TAGAP: variants seen among roughly 807,000 people sequenced by gnomAD.
TAGAP encodes T cell activation RhoGTPase activating protein, also known as T-cell activation Rho GTPase-activating protein.
TAGAP carries 16 observed loss-of-function variants against 36.0 expected under a neutral mutation model. The ratio of observed to expected loss-of-function variants is 0.44; its 90% CI spans 0.30 to 0.68. The LOEUF (loss-of-function observed/expected upper bound fraction) is 0.68, where lower values mean the gene tolerates loss of function less well. Ranked by LOEUF, TAGAP falls within the 30% of genes least tolerant of loss-of-function variation. TAGAP has a pLI of 0.09. For missense variants in TAGAP, 794 were observed against 921.5 expected (o/e 0.86, Z 1.79); for synonymous variants, 372 against 377.4 (o/e 0.99, Z 0.17).
At position 159,035,923 on chromosome 6, in the gene TAGAP, G is replaced by C; in HGVS notation, c.2100C>G (p.Ser700=). Residue 700 remains serine, a synonymous_variant, in exon 10 of 10, where the codon TCC becomes TCG. Transcript: ENST00000367066. ...ELLPLRTVSE[S]VQRNKRDCLV... ...GACAGTCCCGCTTATTCCTCTGCAC[G>C]GACTCGGAGACGGTCCTCAGCGGGA... 6.2e-7 allele frequency: 1 copy of C among 1,614,168 alleles called. No homozygotes were observed. Among genetic ancestry groups the C allele is most frequent in the Non-Finnish European group, 8.5e-7 (1 of 1,180,020 alleles).
At position 159,035,950 on chromosome 6, in the gene TAGAP, G is replaced by A. The variant is rs775380993; in HGVS notation, c.2073C>T (p.Leu691=). ...GHVSGPGRPE[L]LPLRTVSESV... is the part of the protein sequence containing the mutation. ...ACTCGGAGACGGTCCTCAGCGGGAG[G>A]AGCTCAGGTCTCCCTGGGCCAGACA... Residue 691 remains leucine (L), a synonymous_variant, in exon 10 of 10, where the codon CTC becomes CTT. Transcript: ENST00000367066. 1.9e-5 allele frequency: 30 copies of A among 1,614,066 alleles called. No homozygotes were observed. Among genetic ancestry groups the A allele is most frequent in the Non-Finnish European group, 2.5e-5 (30 of 1,180,014 alleles).
chr6:159,036,399 C>T lies in TAGAP; in HGVS notation c.1624G>A (p.Gly542Ser). 6.2e-7 allele frequency: 1 copy of T among 1,614,096 alleles called. No homozygotes were observed. Among genetic ancestry groups the T allele is most frequent in the Non-Finnish European group, 8.5e-7 (1 of 1,180,018 alleles). Residue 542 changes from glycine (G) to serine (S), a missense_variant, in exon 10 of 10, where the codon GGT becomes AGT. Coordinates refer to ENST00000367066, the MANE Select transcript of TAGAP (RefSeq NM_054114.5). This position sits in a 1 kb window ranked among gnomAD's most constrained non-coding sequence, Gnocchi z 4.9. ...GCAAGCTGGCTTTCCTTTCTGACAC[C>T]CCTCGGGACGTGGTCCCTGGTAAAG... ...QDFTRDHVPR[G>S]VRKESQLAGR...
chr6:159,039,384 C>G (rs764293341), intron 7 of TAGAP, 75 bp from the exon 8 acceptor site: 19 of 1,463,732 alleles, frequency 1.3e-5, no homozygotes, highest in Non-Finnish European at 1.6e-5. Flanking sequence ...GAGTTTCTGC[C>G]GAAACCAGAC....
In TAGAP at chr6:159,036,862, G is replaced by A. The variant is rs764563809; in HGVS notation, c.1161C>T (p.Cys387=). The change falls in exon 10 of 10, where the codon TGC becomes TGT. Residue 387 remains cysteine (C), a synonymous_variant. Coordinates refer to ENST00000367066, the MANE Select transcript of TAGAP (RefSeq NM_054114.5). The surrounding 1 kb of genome is among the most constrained non-coding windows in gnomAD (Gnocchi z 4.9). ...SEPSMPSSQE[C]LESRVTNQTL... is the part of the protein sequence containing the mutation. The stretch of plus-strand genomic sequence containing the variant: ...TTTGGTTTGTCACCCGGCTCTCGAG[G>A]CACTCCTGGGAGGATGGCATGCTGG... 1.2e-6 allele frequency: 2 copies of A among 1,614,132 alleles called. No individual in the cohort carries two copies. The highest frequency in any genetic ancestry group is 1.7e-6 in the Non-Finnish European group (2 of 1,180,048).
rs1449039726 is a variant in TAGAP at position 159,041,768 on chromosome 6, A to G, written c.316-253T>C. 3.7e-6 allele frequency: 2 copies of G among 547,808 alleles called. No homozygotes were observed. Among genetic ancestry groups the G allele is most frequent in the Admixed American group, 3.5e-5 (1 of 28,636 alleles). 33.9% of individuals were successfully genotyped at this position (547,808 alleles called of 1,614,324 possible). A position where few individuals can be genotyped will look rare whatever the true frequency, so the allele number is the denominator to read the frequency against. Reference sequence around the variant, plus strand: ...CATTGGATTTCAGATCACAAAGTCTATATTCTGTTTCCCCCTTTTGACTTT... The same window carrying G: ...CATTGGATTTCAGATCACAAAGTCTGTATTCTGTTTCCCCCTTTTGACTTT... On this transcript the variant is annotated intron_variant, in intron 5 of 9. Transcript: ENST00000367066. The surrounding 1 kb of genome is among the most constrained non-coding windows in gnomAD (Gnocchi z 4.1).
Position 159,041,367 on chromosome 6 carries a change from G to C in TAGAP, c.464C>G (p.Ala155Gly). 6.2e-7 allele frequency: 1 copy of C among 1,613,948 alleles called. No individual in the cohort carries two copies. The highest frequency in any genetic ancestry group is 8.5e-7 in the Non-Finnish European group (1 of 1,180,000). ...DLERLPVHLL[A>G]VVFKDFLRSI... The stretch of plus-strand genomic sequence containing the variant: ...TGTTGAACTCACCTTAAAGACCACA[G>C]CGAGGAGGTGCACGGGGAGCCTCTC... The change falls in exon 6 of 10, where the codon GCT (alanine) becomes GGT (glycine). Residue 155 changes from alanine (A) to glycine (G), a missense_variant. Transcript: ENST00000367066. This position sits in a 1 kb window ranked among gnomAD's most constrained non-coding sequence, Gnocchi z 4.1.
At position 159,040,397 on chromosome 6, in the gene TAGAP, C is replaced by A. The variant is rs1779703864; in HGVS notation, c.587+326G>T. Reference sequence around the variant, plus strand: ...GAATTTCTACACTTTGCTGGTGAGCCTGTGTTAAAGTTCTCAGGTCTGATT... The same window carrying A: ...GAATTTCTACACTTTGCTGGTGAGCATGTGTTAAAGTTCTCAGGTCTGATT... On this transcript the variant is annotated intron_variant, in intron 7 of 9. Transcript: ENST00000367066. Among the ~76,000 whole-genome samples the A allele has an allele frequency of 2.0e-5, 3 of 152,184 alleles. No homozygotes were observed. The South Asian group carries it at 6.2e-4, about 31-fold the overall frequency.
At chr6:159,044,636 G>GAA (rs58292322) in intron 1 of TAGAP, among the ~76,000 whole-genome samples, 31 of 135,370 alleles carry the variant, frequency 2.3e-4, no homozygotes, top group East Asian at 1.8e-3. Flanking sequence ...ATCCAAAAAG[G>GAA]AAAAAAAAAA....
At chr6:159,043,504 TAGAGTA>T in intron 4 of TAGAP, 79 bp downstream of exon 4, 2 of 1,287,724 alleles carry the variant, frequency 1.6e-6, no homozygotes, top group Non-Finnish European at 2.3e-6. Context: ...AAATTCCTAG[TAGAGTA>T]AAAGCGCTGT....
In TAGAP at chr6:159,039,204, G is replaced by A; in HGVS notation, c.693C>T (p.Ser231=). The A allele has an allele frequency of 6.2e-7, 1 of 1,614,176 alleles. No homozygotes were observed. The highest frequency in any genetic ancestry group is 8.5e-7 in the Non-Finnish European group (1 of 1,180,032). The change falls in exon 8 of 10, where the codon AGC becomes AGT. Residue 231 remains serine, a synonymous_variant. Coordinates refer to ENST00000367066, the MANE Select transcript of TAGAP (RefSeq NM_054114.5). ...KNSEVNRMDS[S]NLAICIGPNM... ...TGGGTCCAATGCAGATGGCCAGATTGCTGGAGTCCATCCTGTTCACCTCAG... is the reference window on the plus strand; with the variant it reads ...TGGGTCCAATGCAGATGGCCAGATTACTGGAGTCCATCCTGTTCACCTCAG...
In TAGAP at chr6:159,036,016, C is replaced by T. The variant is rs200804434; in HGVS notation, c.2007G>A (p.Gln669=). The change falls in exon 10 of 10, where the codon CAG becomes CAA. Residue 669 remains glutamine (Q), a synonymous_variant. Transcript: ENST00000367066. The surrounding 1 kb of genome is among the most constrained non-coding windows in gnomAD (Gnocchi z 4.9). The stretch of plus-strand genomic sequence containing the variant: ...CCCCAGAAGCATGGACAGTTCTGCT[C>T]TGTTTCCATCGCTCAGGCAGGGGAG... ...GLSPLPERWK[Q]SRTVHASGDS... is the part of the protein sequence containing the mutation. The T allele has an allele frequency of 1.9e-6, 3 of 1,612,130 alleles. No homozygotes were observed. The highest frequency in any genetic ancestry group is 3.3e-5 in the Admixed American group (2 of 59,978).
chr6:159,036,654 GA>G lies in TAGAP; in HGVS notation c.1368del (p.Leu457SerfsTer64). On this transcript the variant is annotated frameshift_variant, in exon 10 of 10. Coordinates refer to ENST00000367066, the MANE Select transcript of TAGAP (RefSeq NM_054114.5). LOFTEE classifies it low-confidence loss of function (END_TRUNC). The surrounding 1 kb of genome is among the most constrained non-coding windows in gnomAD (Gnocchi z 4.9). Reference protein sequence around the residue: ...APGSVLPRALVLKAFSSSSLD... With the variant: ...APGSVLPRALXLKAFSSSSLD... Reference sequence around the variant, plus strand: ...AGCGAGCTGCTGGAGAAGGCTTTGAGAACCAGTGCCCGCGGGAGCACCGAAC... The same window carrying G: ...AGCGAGCTGCTGGAGAAGGCTTTGAGACCAGTGCCCGCGGGAGCACCGAAC... 6.2e-7 allele frequency: 1 copy of G among 1,614,190 alleles called. No individual in the cohort carries two copies. Among genetic ancestry groups the G allele is most frequent in the South Asian group, 1.1e-5 (1 of 91,086 alleles).
At chr6:159,038,039 A>T in intron 9 of TAGAP, 75 bp downstream of exon 9, 1 of 937,254 alleles carries the variant, frequency 1.1e-6, no homozygotes, top group Non-Finnish European at 1.7e-6. Context: ...CAAATATCAG[A>T]GATGCTTTAC....
chr6:159,043,569 G>A lies in TAGAP; in HGVS notation c.148+20C>T, dbSNP rs774198652. 3 of 1,611,746 alleles carry A rather than the reference G, an allele frequency of 1.9e-6. No homozygotes were observed. Among genetic ancestry groups the A allele is most frequent in the Admixed American group, 3.3e-5 (2 of 59,964 alleles). ...GTTGTTAGCACTTACATAAAAGATC[G>A]GTATGTTTTTAAAACTCACCAATGA... On this transcript the variant is annotated intron_variant, in intron 4 of 9. Transcript: ENST00000367066.
At chr6:159,044,234 G>C in intron 1 of TAGAP, 30 bp from the exon 2 acceptor site, 4 of 1,486,206 alleles carry the variant, frequency 2.7e-6, no homozygotes, top group Non-Finnish European at 3.7e-6. Context: ...AAGGAGTTAG[G>C]AGGGACTCAC....
At position 159,037,043 on chromosome 6, in the gene TAGAP, G is replaced by T; in HGVS notation, c.980C>A (p.Ser327Tyr). 3.1e-6 allele frequency: 5 copies of T among 1,613,460 alleles called. No individual in the cohort carries two copies. The highest frequency in any genetic ancestry group is 4.2e-6 in the Non-Finnish European group (5 of 1,180,044). ...VESNSSSGISSPSRQPQVPMA... is the reference protein window; with the variant it reads ...VESNSSSGISYPSRQPQVPMA... ...GGGCACCTGGGGCTGCCTGCTGGGA[G>T]AGCTGATGCCACTGCTGCTGTTGGA... The change falls in exon 10 of 10, where the codon TCT (serine) becomes TAT (tyrosine). Residue 327 changes from serine (S) to tyrosine (Y), a missense_variant. By Grantham distance (144) the Ser-to-Tyr change is moderately radical. Transcript: ENST00000367066. The surrounding 1 kb of genome is among the most constrained non-coding windows in gnomAD (Gnocchi z 5.1).
At position 159,041,619 on chromosome 6, in the gene TAGAP, G is replaced by T; in HGVS notation, c.316-104C>A. 1 of 1,315,338 alleles carries T rather than the reference G, an allele frequency of 7.6e-7. No homozygotes were observed. The highest frequency in any genetic ancestry group is 1.6e-5 in the South Asian group (1 of 63,418). 81.5% of individuals were successfully genotyped at this position (1,315,338 alleles called of 1,614,324 possible). A position where few individuals can be genotyped will look rare whatever the true frequency, so the allele number is the denominator to read the frequency against. ...GATGTCAGATTTTGCTTTCAGTCCAGTTGCTGTCAATGGCCTTCCTCAACC... is the reference window on the plus strand; with the variant it reads ...GATGTCAGATTTTGCTTTCAGTCCATTTGCTGTCAATGGCCTTCCTCAACC... On this transcript the variant is annotated intron_variant, in intron 5 of 9. Transcript: ENST00000367066. The surrounding 1 kb of genome is among the most constrained non-coding windows in gnomAD (Gnocchi z 4.1).
rs1023655897 is a variant in TAGAP, at chr6:159,044,983, G to T, written c.-163C>A. 5.0e-6 allele frequency: 2 copies of T among 398,294 alleles called. No individual in the cohort carries two copies. Among genetic ancestry groups the T allele is most frequent in the South Asian group, 1.3e-4 (1 of 7,838 alleles). The allele number at this position is 398,294 out of a possible 1,614,324, so 24.7% of individuals were successfully genotyped here. The stretch of plus-strand genomic sequence containing the variant: ...CTTCTAGTCCACTGGGAGAGAGAGA[G>T]ACCGAGCCGGTCTCCCTTCACATGC... On this transcript the variant is annotated 5_prime_UTR_variant, in exon 1 of 10. Transcript: ENST00000367066.
chr6:159,035,747 A>G lies in TAGAP; in HGVS notation c.*80T>C, dbSNP rs1336874247. ...TCAAGGAGCTTATTCAAGACCTTTT[A>G]AAAACAATCTACAGGCAGTTCTTTA... is the stretch of plus-strand genomic sequence containing the variant. On this transcript the variant is annotated 3_prime_UTR_variant, in exon 10 of 10. Transcript: ENST00000367066. 36 of 1,432,406 alleles carry G rather than the reference A, an allele frequency of 2.5e-5. No individual in the cohort carries two copies. Among genetic ancestry groups the G allele is most frequent in the Non-Finnish European group, 3.2e-5 (34 of 1,071,588 alleles). The allele number at this position is 1,432,406 out of a possible 1,614,324, so 88.7% of individuals were successfully genotyped here.
Sources: gnomAD v4.1 joint callset for allele counts (sites outside exome capture counted in the v4.1 genomes callset) on GRCh38, gnomAD v4.1.1 for gene constraint, Gnocchi (gnomAD v3.1) non-coding constraint, MANE v1.5 for transcripts, NCBI Gene and HGNC (gene_info 2026-07-23, HGNC 2026-07-21) for gene names.